The following BANP variants were observed in gnomAD, a reference collection of about 807,000 sequenced individuals.
BANP encodes the protein protein BANP.
BANP carries 11 observed loss-of-function variants against 68.1 expected under a neutral mutation model. That is an observed-to-expected ratio of 0.16 (90% confidence interval 0.10 to 0.27). BANP has a LOEUF of 0.27. BANP is among the 10% of genes least tolerant of loss of function. BANP has a pLI of 1.00. For synonymous variants in BANP, 329 were observed against 303.2 expected, an observed-to-expected ratio of 1.09 and a Z score of -0.88; for missense variants, 504 against 722.7, an observed-to-expected ratio of 0.70 and a Z score of 3.47.
At chr16:88,041,619 C>A (rs1044666416) in intron 11 of BANP, among the ~76,000 whole-genome samples, 2 of 152,180 alleles carry the variant, frequency 1.3e-5, no homozygotes, top group Non-Finnish European at 2.9e-5. Flanking sequence ...ACGTCTCTGT[C>A]TGCTCTGATA....
rs1284830855 is a variant in BANP at position 88,065,287 on chromosome 16, C to A, written c.1332C>A (p.Ile444=). ...QDGQLLEATR[I]PCLLAPSVFK... ...TCCAGCTTCTAGAGGCCACCCGCATCCCCTGCCTCCTGGCCCCATCCGTCT... is the reference window on the plus strand; with the variant it reads ...TCCAGCTTCTAGAGGCCACCCGCATACCCTGCCTCCTGGCCCCATCCGTCT... The change falls in exon 12 of 14, where the codon ATC becomes ATA. Residue 444 remains isoleucine (I), a synonymous_variant. Transcript: ENST00000682872. 1 of 767,712 alleles carries A rather than the reference C, an allele frequency of 1.3e-6. No individual in the cohort carries two copies. The highest frequency in any genetic ancestry group is 2.4e-6 in the Non-Finnish European group (1 of 417,416). 47.6% of individuals were successfully genotyped at this position (767,712 alleles called of 1,614,324 possible).
In BANP at chr16:88,011,791, T is replaced by C. The variant is rs138866251; in HGVS notation, c.655+5526T>C. ...TCCTCCAGGAGTGTGCACTTTTTGCTGTTCAGGGTACCCCCCCTCTTCCTC... is the reference window on the plus strand; with the variant it reads ...TCCTCCAGGAGTGTGCACTTTTTGCCGTTCAGGGTACCCCCCCTCTTCCTC... On this transcript the variant is annotated intron_variant, in intron 6 of 13. Transcript: ENST00000682872. Among the ~76,000 whole-genome samples the C allele has an allele frequency of 3.3e-5, 5 of 152,220 alleles. No homozygotes were observed. In the East Asian group the frequency reaches 9.6e-4, roughly 29 times the overall value.
intron 1 of BANP, among the ~76,000 whole-genome samples, chr16:87,971,467 A>G (rs751616198): frequency 2.0e-5 from 3 of 151,740 alleles, no homozygotes; most frequent in Admixed American, 6.6e-5. Context: ...TGGCTCACAT[A>G]TCTTTCCTTG....
At position 88,006,305 on chromosome 16, in the gene BANP, C is replaced by T. The variant is rs550783538; in HGVS notation, c.655+40C>T. On this transcript the variant is annotated intron_variant, in intron 6 of 13. Coordinates refer to ENST00000682872, the MANE Select transcript of BANP (RefSeq NM_001386991.1). ...GCTTTCCTCGGCCAGAGCGCCAGTA[C>T]AATTGTTTGTTTGTTTTGCCTTTTA... The T allele has an allele frequency of 4.6e-6, 7 of 1,537,912 alleles. No individual in the cohort carries two copies. The African/African-American group carries it at 8.3e-5, about 18-fold the overall frequency.
intron 6 of BANP, among the ~76,000 whole-genome samples, chr16:88,017,989 C>G (rs2074981574): frequency 6.6e-6 from 1 of 152,134 alleles, no homozygotes; most frequent in African/African-American, 2.4e-5. Flanking sequence ...ACCTCTGCGT[C>G]TTTCTTGGTG....
intron 4 of BANP, among the ~76,000 whole-genome samples, chr16:87,996,026 C>G (rs2067103214): frequency 6.6e-6 from 1 of 152,202 alleles, no homozygotes; most frequent in African/African-American, 2.4e-5. Flanking sequence ...AGGGCTGGTG[C>G]TTGCTTTCTC....
At chr16:88,040,965 G>C (rs1311195104) in intron 11 of BANP, among the ~76,000 whole-genome samples, 1 of 152,244 alleles carries the variant, frequency 6.6e-6, no homozygotes, top group Non-Finnish European at 1.5e-5. Context: ...CTCAGAATCT[G>C]ACAGAGCAGC....
At chr16:88,053,547 TACC>T (rs1474079604) in intron 11 of BANP, among the ~76,000 whole-genome samples, 2 of 90,382 alleles carry the variant, frequency 2.2e-5, no homozygotes, top group African/African-American at 9.4e-5. Context: ...TAACAAACAC[TACC>T]ACCACCACCT....
intron 1 of BANP, among the ~76,000 whole-genome samples, chr16:87,973,768 A>AAAAAAAAAAAAAAAAAAAAAAAAGAAAG (rs2061546192): frequency 9.5e-6 from 1 of 104,934 alleles, no homozygotes; most frequent in African/African-American, 3.1e-5. Context: ...AAAAAAAAAA[A>AAAAAAAAAAAAAAAAAAAAAAAAGAAAG]AAAAAAGAAA....
Position 88,016,508 on chromosome 16 carries a change from C to T in BANP, c.656-1920C>T, listed in dbSNP as rs190074759. On this transcript the variant is annotated intron_variant, in intron 6 of 13. Coordinates refer to ENST00000682872, the MANE Select transcript of BANP (RefSeq NM_001386991.1). ...CTGGACTGCTGCTGACCAGGGCCTG[C>T]GCCGCTGTGTTCGATGACATTGACC... 6.7e-3 allele frequency among the ~76,000 whole-genome samples: 1,020 copies of T among 152,330 alleles called. 7 individuals carry two copies. The highest frequency in any genetic ancestry group is 0.011 in the Non-Finnish European group (721 of 68,036).
chr16:87,979,614 G>A (rs1008332978), intron 2 of BANP, among the ~76,000 whole-genome samples: 1 of 152,184 alleles, frequency 6.6e-6, no homozygotes, highest in Non-Finnish European at 1.5e-5. Flanking sequence ...CTGCTTGGCT[G>A]TGGTGTTGGT....
intron 11 of BANP, among the ~76,000 whole-genome samples, chr16:88,038,905 A>G (rs771216120): frequency 3.3e-5 from 5 of 152,240 alleles, no homozygotes; most frequent in African/African-American, 9.6e-5. Context: ...CTCACTGCGT[A>G]GAAAGATAAT....
chr16:88,014,773 G>A (rs1386016554), intron 6 of BANP, among the ~76,000 whole-genome samples: 1 of 151,996 alleles, frequency 6.6e-6, no homozygotes, highest in Non-Finnish European at 1.5e-5. Flanking sequence ...TGCCCTTCCT[G>A]CTGCCTGCCT....
At position 87,971,580 on chromosome 16, in the gene BANP, A is replaced by T. The variant is rs542521916; in HGVS notation, c.-68-3468A>T. 3.9e-5 allele frequency among the ~76,000 whole-genome samples: 5 copies of T among 129,840 alleles called. No individual in the cohort carries two copies. In the East Asian group the frequency reaches 8.6e-4, roughly 22 times the overall value. 85.2% of individuals were successfully genotyped at this position (129,840 alleles called of 152,430 possible). A position where few individuals can be genotyped will look rare whatever the true frequency, so the allele number is the denominator to read the frequency against. ...AGTCTTTTGCTTGGATGGCTAAAAA[A>T]TTTTTCTTTAAATAGTGTTTTTATT... On this transcript the variant is annotated intron_variant, in intron 1 of 13. Coordinates refer to ENST00000682872, the MANE Select transcript of BANP (RefSeq NM_001386991.1).
Position 88,003,930 on chromosome 16 carries a change from C to T in BANP, c.363-365C>T. On this transcript the variant is annotated intron_variant, in intron 4 of 13. Coordinates refer to ENST00000682872, the MANE Select transcript of BANP (RefSeq NM_001386991.1). The surrounding 1 kb of genome is among the most constrained non-coding windows in gnomAD (Gnocchi z 6.1). The stretch of plus-strand genomic sequence containing the variant: ...TCAAGCCAGTTCTCATGCAAGTGTG[C>T]CACCCTAGAAGCTTTATTAACTGGG... The T allele has an allele frequency of 3.3e-6, 1 of 304,356 alleles. No homozygotes were observed. The allele number at this position is 304,356 out of a possible 1,614,324, so 18.9% of individuals were successfully genotyped here.
intron 6 of BANP, among the ~76,000 whole-genome samples, chr16:88,014,295 C>T (rs768681597): frequency 3.9e-5 from 6 of 152,118 alleles, no homozygotes; most frequent in Non-Finnish European, 8.8e-5. Context: ...TGCACACTGG[C>T]CCTCAGTGAG....
chr16:88,032,741 C>T (rs1358060835), intron 8 of BANP, among the ~76,000 whole-genome samples: 1 of 152,142 alleles, frequency 6.6e-6, no homozygotes, highest in Non-Finnish European at 1.5e-5. Flanking sequence ...TTTAAGTGTG[C>T]GGATGAGACT....
At chr16:87,990,885 C>G (rs2152495372) in intron 4 of BANP, among the ~76,000 whole-genome samples, 1 of 152,346 alleles carries the variant, frequency 6.6e-6, no homozygotes, top group Middle Eastern at 3.4e-3. Flanking sequence ...GCTTCAGCCT[C>G]CCCACTAGCT....
chr16:87,985,294 G>T (rs1344331422), intron 4 of BANP, among the ~76,000 whole-genome samples: 1 of 152,226 alleles, frequency 6.6e-6, no homozygotes, highest in Non-Finnish European at 1.5e-5. Flanking sequence ...GAGCTCCGCT[G>T]CTGGTGGTGG....
Sources: allele counts gnomAD v4.1 joint callset (sites outside exome capture counted in the v4.1 genomes callset), GRCh38; gene constraint gnomAD v4.1.1; non-coding constraint Gnocchi (gnomAD v3.1); transcripts MANE v1.5; gene names NCBI Gene and HGNC (gene_info 2026-07-23, HGNC 2026-07-21).